The following TENT4A variants were observed in gnomAD, a reference collection of about 807,000 sequenced individuals.
TENT4A encodes the protein terminal nucleotidyltransferase 4A, also known as DNA polymerase kappa.
A neutral mutation model predicts 72.8 loss-of-function variants in TENT4A; 7 were observed. The ratio of observed to expected loss-of-function variants is 0.10; its 90% CI spans 0.05 to 0.18. The LOEUF is 0.18. Ranked by LOEUF, TENT4A falls within the 10% of genes least tolerant of loss-of-function variation. TENT4A has a pLI of 1.00. For synonymous variants in TENT4A, 456 were observed against 434.3 expected (o/e 1.05, Z -0.62); for missense variants, 831 against 1,017.7 (o/e 0.82, Z 2.50).
At position 6,713,468 on chromosome 5, in the gene TENT4A, A is replaced by ACCGCCG. The variant is rs904220478; in HGVS notation, c.-499_-494dup. On this transcript the variant is annotated 5_prime_UTR_variant, in exon 1 of 13. Coordinates refer to ENST00000230859, the MANE Select transcript of TENT4A (RefSeq NM_006999.6). ...CTGTCGCCGCCGAGAGTGTCTTTTC[A>ACCGCCG]CCGCCGCCGCCGCCGCCGCCGCAGG... 25 of 137,620 alleles carry ACCGCCG rather than the reference A, an allele frequency of 1.8e-4. No individual in the cohort carries two copies. The highest frequency in any genetic ancestry group is 1.2e-3 in the South Asian group (6 of 4,856). The allele number at this position is 137,620 out of a possible 1,614,324, so 8.5% of individuals were successfully genotyped here. A position where few individuals can be genotyped will look rare whatever the true frequency, so the allele number is the denominator to read the frequency against.
chr5:6,751,828 A>C (rs535338773), intron 11 of TENT4A, among the ~76,000 whole-genome samples: 1 of 152,222 alleles, frequency 6.6e-6, no homozygotes, highest in Non-Finnish European at 1.5e-5. Context: ...GTGGGGTATA[A>C]TTTGAGCATA....
chr5:6,724,849 T>G (rs986672070), intron 1 of TENT4A, among the ~76,000 whole-genome samples: 4 of 152,180 alleles, frequency 2.6e-5, no homozygotes, highest in African/African-American at 9.7e-5. Flanking sequence ...TCACCCTTTA[T>G]ACAGTGTCTC....
rs1370026893 is a variant in TENT4A, at chr5:6,746,492, G to T, written c.1459+65G>T. The T allele has an allele frequency of 4.0e-6, 6 of 1,492,524 alleles. No homozygotes were observed. In the East Asian group the frequency reaches 1.4e-4, roughly 34 times the overall value. The allele number at this position is 1,492,524 out of a possible 1,614,324, so 92.5% of individuals were successfully genotyped here. A position where few individuals can be genotyped will look rare whatever the true frequency, so the allele number is the denominator to read the frequency against. On this transcript the variant is annotated intron_variant, in intron 7 of 12. Coordinates refer to ENST00000230859, the MANE Select transcript of TENT4A (RefSeq NM_006999.6). ...GCCTCGGGGACGTGCTGGTGACAGG[G>T]CCTGTGTTGGGGCTCTGAGAGCCCC...
intron 3 of TENT4A, among the ~76,000 whole-genome samples, chr5:6,739,346 G>T (rs769236336): frequency 1.3e-5 from 2 of 152,210 alleles, no homozygotes; most frequent in Non-Finnish European, 2.9e-5. Flanking sequence ...GAACAGGTTT[G>T]GGTATCCAGG....
chr5:6,746,535 T>C (rs2291704), intron 7 of TENT4A, 108 bp downstream of exon 7: 209,444 of 886,782 alleles, frequency 0.24, 26,260 homozygotes, highest in Non-Finnish European at 0.26. Flanking sequence ...TCATTTGCTC[T>C]TGATGCAGGT....
rs1055048577 is a variant in TENT4A, at chr5:6,714,204, C to G, written c.221C>G (p.Pro74Arg). Residue 74 changes from proline to arginine, a missense_variant, in exon 1 of 13, where the codon CCG becomes CGG. By Grantham distance (103) the Pro-to-Arg change is moderately radical. Around this residue, in one of 3 missense-constraint regions of TENT4A, gnomAD observed 302 missense variants for 293.8 expected, o/e 1.03. Coordinates refer to ENST00000230859, the MANE Select transcript of TENT4A (RefSeq NM_006999.6). Reference protein sequence around the residue: ...LGPALPAASPPPPGPTAPAAL... With the variant: ...LGPALPAASPRPPGPTAPAAL... ...CCCGCGCTGCCCGCCGCGTCGCCCC[C>G]GCCGCCCGGCCCCACCGCGCCCGCC... 37 of 968,820 alleles carry G rather than the reference C, an allele frequency of 3.8e-5. No homozygotes were observed. Among genetic ancestry groups the G allele is most frequent in the Non-Finnish European group, 4.4e-5 (36 of 819,080 alleles). 60.0% of individuals were successfully genotyped at this position (968,820 alleles called of 1,614,324 possible).
rs1184041555 is a variant in TENT4A, at chr5:6,756,225, T to C, written c.*1280T>C. The C allele has an allele frequency of 6.6e-6, 1 of 152,622 alleles. No individual in the cohort carries two copies. Among genetic ancestry groups the C allele is most frequent in the Non-Finnish European group, 1.5e-5 (1 of 68,050 alleles). 9.5% of individuals were successfully genotyped at this position (152,622 alleles called of 1,614,324 possible). A position where few individuals can be genotyped will look rare whatever the true frequency, so the allele number is the denominator to read the frequency against. On this transcript the variant is annotated 3_prime_UTR_variant, in exon 13 of 13. Coordinates refer to ENST00000230859, the MANE Select transcript of TENT4A (RefSeq NM_006999.6). ...AAGTGTATTCTGCCACAACAACCAC[T>C]GTCTTTGTTACCTTTTTTTGAACAA...
rs764281552 is a variant in TENT4A at position 6,753,042 on chromosome 5, A to T, written c.2184+5A>T. On this transcript the variant is annotated splice_donor_5th_base_variant and intron_variant, in intron 12 of 12. Coordinates refer to ENST00000230859, the MANE Select transcript of TENT4A (RefSeq NM_006999.6). ...AGCCCTCATCTGTATCATAAGGTAT[A>T]GCTCTGTCCTGGTGCATTCACCTAC... The T allele has an allele frequency of 4.3e-6, 7 of 1,611,090 alleles. No individual in the cohort carries two copies. The Admixed American group carries it at 1.2e-4, about 27-fold the overall frequency.
intron 1 of TENT4A, among the ~76,000 whole-genome samples, chr5:6,736,537 T>C (rs544699079): frequency 6.6e-5 from 10 of 152,226 alleles, no homozygotes; most frequent in African/African-American, 2.4e-4. Context: ...ATTCCTAGGA[T>C]TGGATAATTT....
In TENT4A at chr5:6,714,621, G is replaced by A. The variant is rs1304375697; in HGVS notation, c.638G>A (p.Gly213Glu). ...GGCAGCCGCGCGGCCGCTCTCAGCG[G>A]AGGGGGCGGCCCCGGGGCCCAGGCG... ...LSGSRAAALS[G>E]GGGPGAQAPR... is the part of the protein sequence containing the mutation. Residue 213 changes from glycine to glutamate, a missense_variant, in exon 1 of 13, where the codon GGA becomes GAA. Gly to Glu is a moderately conservative substitution (Grantham distance 98). Coordinates refer to ENST00000230859, the MANE Select transcript of TENT4A (RefSeq NM_006999.6). 34 of 1,198,514 alleles carry A rather than the reference G, an allele frequency of 2.8e-5. No homozygotes were observed. The highest frequency in any genetic ancestry group is 3.4e-5 in the Non-Finnish European group (33 of 966,454). 74.2% of individuals were successfully genotyped at this position (1,198,514 alleles called of 1,614,324 possible).
At chr5:6,742,902 G>A (rs912916780) in intron 5 of TENT4A, among the ~76,000 whole-genome samples, 1 of 152,150 alleles carries the variant, frequency 6.6e-6, no homozygotes, top group African/African-American at 2.4e-5. Context: ...TCATTCGCAG[G>A]TTTTACCCAG....
Position 6,748,563 on chromosome 5 carries a change from G to A in TENT4A, c.1559G>A (p.Arg520Lys). ...AGCCATGCTGTGTCACCGCTGGCCA[G>A]GTCCTATCCAAACAGAGACGCCGAA... ...VLSHAVSPLA[R>K]SYPNRDAEST... Residue 520 changes from arginine to lysine, a missense_variant, in exon 8 of 13, where the codon AGG becomes AAG. Physicochemically the swap from Arg to Lys is conservative, Grantham distance 26. Coordinates refer to ENST00000230859, the MANE Select transcript of TENT4A (RefSeq NM_006999.6). The A allele has an allele frequency of 6.2e-7, 1 of 1,613,838 alleles. No individual in the cohort carries two copies. Among genetic ancestry groups the A allele is most frequent in the Non-Finnish European group, 8.5e-7 (1 of 1,179,778 alleles).
chr5:6,746,401 T>A lies in TENT4A; in HGVS notation c.1433T>A (p.Leu478Gln). ...AMTSGYRPSM[L>Q]CIEDPLLPGN... The stretch of plus-strand genomic sequence containing the variant: ...ACCAGCGGGTACAGACCGTCGATGC[T>A]GTGCATTGAGGACCCCCTGCTGCCA... The change falls in exon 7 of 13, where the codon CTG becomes CAG. Residue 478 changes from leucine (L) to glutamine (Q), a missense_variant. Coordinates refer to ENST00000230859, the MANE Select transcript of TENT4A (RefSeq NM_006999.6). The A allele has an allele frequency of 6.2e-7, 1 of 1,614,184 alleles. No individual in the cohort carries two copies.
At position 6,749,996 on chromosome 5, in the gene TENT4A, G is replaced by A. The variant is rs567624703; in HGVS notation, c.1688-335G>A. The stretch of plus-strand genomic sequence containing the variant: ...TTAAGATATTTTATAGCTGTTTCTT[G>A]TACTGTCTGAAATCCGGTGTGTATT... On this transcript the variant is annotated intron_variant, in intron 9 of 12. Coordinates refer to ENST00000230859, the MANE Select transcript of TENT4A (RefSeq NM_006999.6). 3.3e-5 allele frequency among the ~76,000 whole-genome samples: 5 copies of A among 152,252 alleles called. 1 individual carries two copies. The highest frequency in any genetic ancestry group is 9.6e-5 in the African/African-American group (4 of 41,534).
In TENT4A at chr5:6,749,664, G is replaced by T. The variant is rs747789203; in HGVS notation, c.1687+7G>T. 1.9e-6 allele frequency: 3 copies of T among 1,581,486 alleles called. No individual in the cohort carries two copies. In the Admixed American group the frequency reaches 5.0e-5, roughly 26 times the overall value. ...CACCCGTCGCCAGGCATGGGTGAGA[G>T]ATTAATTCATTTGTGTTCATCCTAA... is the stretch of plus-strand genomic sequence containing the variant. On this transcript the variant is annotated splice_region_variant and intron_variant, in intron 9 of 12. Coordinates refer to ENST00000230859, the MANE Select transcript of TENT4A (RefSeq NM_006999.6).
At chr5:6,737,136 G>T (rs1325765215) in intron 1 of TENT4A, among the ~76,000 whole-genome samples, 3 of 152,238 alleles carry the variant, frequency 2.0e-5, no homozygotes, top group Non-Finnish European at 4.4e-5. Flanking sequence ...GCCTGTGCTG[G>T]AGCTGGTTCC....
At position 6,713,610 on chromosome 5, in the gene TENT4A, C is replaced by A; in HGVS notation, c.-374C>A. 6.8e-6 allele frequency: 1 copy of A among 147,610 alleles called. No homozygotes were observed. The highest frequency in any genetic ancestry group is 1.8e-4 in the South Asian group (1 of 5,626). 9.1% of individuals were successfully genotyped at this position (147,610 alleles called of 1,614,324 possible). On this transcript the variant is annotated 5_prime_UTR_variant, in exon 1 of 13. Transcript: ENST00000230859. ...CCGCCCCCTCGGCCCCGCCGCCCGC[C>A]CTTCTCCGATGGCCTCTCCCCGCGG...
chr5:6,730,622 A>G (rs1040214894), intron 1 of TENT4A, among the ~76,000 whole-genome samples: 5 of 152,152 alleles, frequency 3.3e-5, no homozygotes, highest in African/African-American at 9.7e-5. Flanking sequence ...AAAGATAGGC[A>G]CATCGATAGG....
chr5:6,731,751 C>T (rs886100076), intron 1 of TENT4A, among the ~76,000 whole-genome samples: 3 of 152,110 alleles, frequency 2.0e-5, no homozygotes, highest in Non-Finnish European at 4.4e-5. Context: ...TGTTCATTTT[C>T]GTGACGTTTC....
Sources: gnomAD v4.1 joint callset for allele counts (sites outside exome capture counted in the v4.1 genomes callset) on GRCh38, gnomAD v4.1.1 for gene constraint, gnomAD v4.1.1 regional missense constraint, MANE v1.5 for transcripts, NCBI Gene and HGNC (gene_info 2026-07-23, HGNC 2026-07-21) for gene names.